STK32B: variants seen among roughly 807,000 people sequenced by gnomAD.
STK32B encodes the protein serine/threonine-protein kinase 32B.
In STK32B, 43 loss-of-function variants were observed where a neutral mutation model predicts 52.6. The ratio of observed to expected loss-of-function variants is 0.82; its 90% CI spans 0.64 to 1.05. The LOEUF (loss-of-function observed/expected upper bound fraction) is 1.05. STK32B is among the 50% of genes least tolerant of loss of function. STK32B has a pLI of 0.00. For synonymous variants in STK32B, 238 were observed against 204.3 expected, an observed-to-expected ratio of 1.17 and a Z score of -1.41; for missense variants, 621 against 534.6, an observed-to-expected ratio of 1.16 and a Z score of -1.59.
chr4:5,316,845 TAATATATTA>T (rs1730892933), intron 3 of STK32B, among the ~76,000 whole-genome samples: 1 of 1,712 alleles, frequency 5.8e-4, no homozygotes, highest in Non-Finnish European at 8.3e-4. Flanking sequence ...ATATTATATA[TAATATATTA>T]TATATATTAT....
the STK32B span, among the ~76,000 whole-genome samples, chr4:5,046,055 A>C: frequency 6.6e-6 from 1 of 152,218 alleles, no homozygotes; most frequent in Non-Finnish European, 1.5e-5. Context: ...TGTATGGCCA[A>C]GACAGTCATA....
chr4:5,223,972 A>G lies in STK32B; in HGVS notation c.260+55522A>G, dbSNP rs927203739. Among the ~76,000 whole-genome samples the G allele has an allele frequency of 2.6e-5, 4 of 152,096 alleles. No individual in the cohort carries two copies. The East Asian group carries it at 5.8e-4, about 22-fold the overall frequency. ...ATGTCTAGCCTATACCTGTCCCACC[A>G]TTGTATTTTGTAAGCACATAACTTG... On this transcript the variant is annotated intron_variant, in intron 3 of 11. Transcript: ENST00000282908.
chr4:5,179,504 AGAT>A (rs1275707014), intron 3 of STK32B, among the ~76,000 whole-genome samples: 1 of 144,782 alleles, frequency 6.9e-6, no homozygotes, highest in Non-Finnish European at 1.6e-5. Flanking sequence ...GACAAATGAT[AGAT>A]GATATATTAG....
chr4:5,129,268 C>T (rs1715600689), intron 1 of STK32B, among the ~76,000 whole-genome samples: 1 of 152,182 alleles, frequency 6.6e-6, no homozygotes, highest in Non-Finnish European at 1.5e-5. Context: ...CTAGCCAGTT[C>T]TTGCCCTGCT....
intron 6 of STK32B, among the ~76,000 whole-genome samples, chr4:5,434,867 A>T (rs774466282): frequency 5.3e-5 from 8 of 152,192 alleles, no homozygotes; most frequent in Non-Finnish European, 8.8e-5. Context: ...TAAGATCGCA[A>T]CTATTGGCAT....
chr4:5,026,711 A>G, the STK32B span, among the ~76,000 whole-genome samples: 2 of 152,184 alleles, frequency 1.3e-5, no homozygotes, highest in African/African-American at 4.8e-5. Context: ...CTCTTGTGAC[A>G]TGGCTGGAAC....
At chr4:5,337,566 A>T (rs1293187523) in intron 4 of STK32B, among the ~76,000 whole-genome samples, 1 of 152,212 alleles carries the variant, frequency 6.6e-6, no homozygotes, top group Admixed American at 6.5e-5. Context: ...CATGTATACC[A>T]TGACCAGTTC....
intron 3 of STK32B, among the ~76,000 whole-genome samples, chr4:5,281,210 C>T (rs557251635): frequency 6.6e-6 from 1 of 152,236 alleles, no homozygotes; most frequent in Admixed American, 6.5e-5. Flanking sequence ...TAGGCACATC[C>T]CACCAGGTCC....
intron 4 of STK32B, among the ~76,000 whole-genome samples, chr4:5,373,558 G>T (rs1487172553): frequency 6.6e-6 from 1 of 152,180 alleles, no homozygotes; most frequent in African/African-American, 2.4e-5. Context: ...GAGGCAACCT[G>T]CTTTACCCAG....
At chr4:5,193,470 A>T (rs73797121) in intron 3 of STK32B, among the ~76,000 whole-genome samples, 3,924 of 152,284 alleles carry the variant, frequency 0.026, 164 homozygotes, top group African/African-American at 0.089. Flanking sequence ...TCTGACTCCA[A>T]GCTTGAGCAT....
chr4:5,128,710 A>G (rs899140984), intron 1 of STK32B, among the ~76,000 whole-genome samples: 17 of 152,198 alleles, frequency 1.1e-4, no homozygotes, highest in African/African-American at 4.1e-4. Flanking sequence ...GAGTGGAGGA[A>G]AAGTCTCTTC....
rs762549336 is a variant in STK32B at position 5,398,169 on chromosome 4, A to G, written c.435-38A>G. 6.2e-6 allele frequency: 10 copies of G among 1,612,770 alleles called. No homozygotes were observed. Among genetic ancestry groups the G allele is most frequent in the Middle Eastern group, 1.7e-4 (1 of 6,056 alleles). On this transcript the variant is annotated intron_variant, in intron 4 of 11. Transcript: ENST00000282908. The surrounding 1 kb of genome is among the most constrained non-coding windows in gnomAD (Gnocchi z 4.9). Reference sequence around the variant, plus strand: ...TGTCTATGTGCTCATCTGTGGGCTCAGGAACCACATTGCCAGCTTCTTTGT... The same window carrying G: ...TGTCTATGTGCTCATCTGTGGGCTCGGGAACCACATTGCCAGCTTCTTTGT...
At chr4:5,375,529 T>C (rs940410800) in intron 4 of STK32B, among the ~76,000 whole-genome samples, 2 of 152,210 alleles carry the variant, frequency 1.3e-5, no homozygotes, top group Non-Finnish European at 2.9e-5. Flanking sequence ...AGTTCACATA[T>C]ACTTGATTTC....
chr4:5,062,151 C>G (rs1742240978), intron 1 of STK32B, among the ~76,000 whole-genome samples: 1 of 152,182 alleles, frequency 6.6e-6, no homozygotes, highest in Non-Finnish European at 1.5e-5. Context: ...CCCATGCTAC[C>G]TAAGATCTAC....
At position 5,058,067 on chromosome 4, in the gene STK32B, C is replaced by G. The variant is rs1441621907; in HGVS notation, c.52+6152C>G. 6.6e-6 allele frequency among the ~76,000 whole-genome samples: 1 copy of G among 152,206 alleles called. No homozygotes were observed. Among genetic ancestry groups the G allele is most frequent in the Non-Finnish European group, 1.5e-5 (1 of 68,040 alleles). ...AGCAATCCTGGAGTCTTCTTCTTCT[C>G]AGTCCTTGATTTTTGTGACCTCCTT... On this transcript the variant is annotated intron_variant, in intron 1 of 11. Transcript: ENST00000282908. This position sits in a 1 kb window ranked among gnomAD's most constrained non-coding sequence, Gnocchi z 4.8.
upstream of STK32B, among the ~76,000 whole-genome samples, chr4:5,050,329 T>C (rs1308803045): frequency 2.0e-5 from 3 of 152,308 alleles, no homozygotes; most frequent in East Asian, 1.9e-4. Flanking sequence ...ACATTGCCAG[T>C]AAATGGTAGA....
chr4:5,199,815 C>T (rs996318832), intron 3 of STK32B, among the ~76,000 whole-genome samples: 3 of 151,758 alleles, frequency 2.0e-5, no homozygotes, highest in Non-Finnish European at 2.9e-5. Flanking sequence ...GCCCTCTGCT[C>T]GTCTGTGAAG....
At chr4:5,188,842 A>G (rs1577163325) in intron 3 of STK32B, among the ~76,000 whole-genome samples, 1 of 143,294 alleles carries the variant, frequency 7.0e-6, no homozygotes, top group East Asian at 2.0e-4. Context: ...GGCAGGGAAC[A>G]TCACACACTG....
chr4:5,347,442 C>G (rs1208739371), intron 4 of STK32B, among the ~76,000 whole-genome samples: 5 of 152,204 alleles, frequency 3.3e-5, no homozygotes, highest in African/African-American at 1.2e-4. Context: ...AATTGTGGTG[C>G]AGATTGAATT....
Sources: gnomAD v4.1 joint callset for allele counts (sites outside exome capture counted in the v4.1 genomes callset) on GRCh38, gnomAD v4.1.1 for gene constraint, Gnocchi (gnomAD v3.1) non-coding constraint, MANE v1.5 for transcripts, NCBI Gene and HGNC (gene_info 2026-07-23, HGNC 2026-07-21) for gene names.